The following DAB2IP variants were observed in gnomAD, a reference collection of about 807,000 sequenced individuals.
The protein encoded by DAB2IP is DAB2 interacting protein.
In DAB2IP, 28 loss-of-function variants were observed where a neutral mutation model predicts 107.2. The observed-to-expected ratio is 0.26, with a 90% confidence interval of 0.19 to 0.36. The LOEUF (loss-of-function observed/expected upper bound fraction) is 0.36. Ranked by LOEUF, DAB2IP falls within the 10% of genes least tolerant of loss-of-function variation. The pLI, the probability that DAB2IP is intolerant of heterozygous loss-of-function variation, is 1.00. For synonymous variants in DAB2IP, 755 were observed against 706.4 expected, an observed-to-expected ratio of 1.07 and a Z score of -1.09; for missense variants, 1,400 against 1,644.7, an observed-to-expected ratio of 0.85 and a Z score of 2.57.
intron 1 of DAB2IP, among the ~76,000 whole-genome samples, chr9:121,610,631 A>G (rs1018292486): frequency 1.3e-5 from 2 of 152,138 alleles, no homozygotes; most frequent in African/African-American, 4.8e-5. Flanking sequence ...ACCAGGTGTA[A>G]TTCAGCACGT....
chr9:121,587,470 TAGTGGCAC>T (rs1457381127), intron 1 of DAB2IP, among the ~76,000 whole-genome samples: 3 of 151,930 alleles, frequency 2.0e-5, no homozygotes, highest in African/African-American at 4.8e-5. Flanking sequence ...TAGCCAGGCG[TAGTGGCAC>T]ATGCCTGTAG....
Position 121,627,120 on chromosome 9 carries a change from AAC to A in DAB2IP, c.41-51539_41-51538del, listed in dbSNP as rs55977828. Reference sequence around the variant, plus strand: ...AAGCCTTTTTTCTTCACCCCTACTCAACACACACACACACACACACTCACACA... The same window carrying A: ...AAGCCTTTTTTCTTCACCCCTACTCAACACACACACACACACACTCACACA... On this transcript the variant is annotated intron_variant, in intron 1 of 16. Coordinates refer to the DAB2IP transcript ENST00000259371. 5.4e-4 allele frequency among the ~76,000 whole-genome samples: 81 copies of A among 149,184 alleles called. 1 individual carries two copies. The highest frequency in any genetic ancestry group is 6.6e-4 in the South Asian group (3 of 4,572).
intron 1 of DAB2IP, among the ~76,000 whole-genome samples, chr9:121,592,356 A>T (rs1280062537): frequency 6.7e-6 from 1 of 150,296 alleles, no homozygotes; most frequent in Non-Finnish European, 1.5e-5. Context: ...ACAGAGCAAG[A>T]CTCCATCTCA....
At chr9:121,721,500 T>C (rs939398901) in intron 3 of DAB2IP, among the ~76,000 whole-genome samples, 8 of 152,220 alleles carry the variant, frequency 5.3e-5, no homozygotes, top group African/African-American at 1.9e-4. Flanking sequence ...AGTCCACCAC[T>C]GTAGTGGCAT....
At chr9:121,762,373 G>A (rs1044570020) in intron 6 of DAB2IP, among the ~76,000 whole-genome samples, 8 of 152,136 alleles carry the variant, frequency 5.3e-5, no homozygotes, top group African/African-American at 1.2e-4. Context: ...GAGGAGCCCC[G>A]GGGGAGATGC....
rs1830815448 is a variant in DAB2IP, at chr9:121,719,685, C to G, written c.362+20227C>G. Reference sequence around the variant, plus strand: ...CCCAAGGATAAGCATCCCTTTGTGCCAGGTGCTTCATCTCTTAGTGCTTAC... The same window carrying G: ...CCCAAGGATAAGCATCCCTTTGTGCGAGGTGCTTCATCTCTTAGTGCTTAC... On this transcript the variant is annotated intron_variant, in intron 3 of 15. Coordinates refer to ENST00000408936, the Ensembl canonical transcript of DAB2IP. Among the ~76,000 whole-genome samples the G allele has an allele frequency of 2.0e-5, 3 of 152,164 alleles. No individual in the cohort carries two copies. The South Asian group carries it at 6.2e-4, about 32-fold the overall frequency.
At chr9:121,773,463 C>A in exon 12 of DAB2IP, 2 of 1,523,544 alleles carry the variant, frequency 1.3e-6, no homozygotes, top group Non-Finnish European at 1.8e-6. Context: ...GGGGGACAGC[C>A]CAGAACTGAA....
At position 121,762,255 on chromosome 9, in the gene DAB2IP, G is replaced by T. The variant is rs1833949906; in HGVS notation, c.1171-1250G>T. ...TCATTTTCCTGCTGTGTGTGCATTG[G>T]TTTCCCCCTTATTGGGTCCTGGCTC... On this transcript the variant is annotated intron_variant, in intron 6 of 15. Transcript: ENST00000408936. Among the ~76,000 whole-genome samples the T allele has an allele frequency of 2.6e-5, 4 of 152,154 alleles. No homozygotes were observed. The South Asian group carries it at 8.3e-4, about 32-fold the overall frequency.
chr9:121,779,528 G>T (rs1041165243), intron 14 of DAB2IP, among the ~76,000 whole-genome samples: 1 of 152,208 alleles, frequency 6.6e-6, no homozygotes, highest in African/African-American at 2.4e-5. Context: ...AGACAGTGAG[G>T]TTACTTGGAA....
At chr9:121,763,435 G>T in intron 6 of DAB2IP, 70 bp from the exon 7 acceptor site, 12 of 1,539,328 alleles carry the variant, frequency 7.8e-6, no homozygotes, top group Non-Finnish European at 1.0e-5. Flanking sequence ...CTCTGGCTAG[G>T]TCTGGAATCC....
chr9:121,664,974 C>T (rs995186214), intron 1 of DAB2IP, among the ~76,000 whole-genome samples: 1 of 152,170 alleles, frequency 6.6e-6, no homozygotes, highest in African/African-American at 2.4e-5. Context: ...CTAAAAATTA[C>T]ACAAAGGACT....
At chr9:121,758,982 G>C in exon 5 of DAB2IP, 2 of 1,612,508 alleles carry the variant, frequency 1.2e-6, no homozygotes, top group Non-Finnish European at 1.7e-6. Context: ...CCGGCGAGCG[G>C]TGCATCCCAA....
intron 1 of DAB2IP, among the ~76,000 whole-genome samples, chr9:121,597,834 T>G (rs1423715501): frequency 6.6e-6 from 1 of 152,220 alleles, no homozygotes; most frequent in African/African-American, 2.4e-5. Flanking sequence ...CCATCGCATA[T>G]GCTCCGAAGA....
At chr9:121,575,263 G>A (rs779632590) in intron 1 of DAB2IP, 29 of 154,016 alleles carry the variant, frequency 1.9e-4, no homozygotes, top group South Asian at 1.9e-3. Flanking sequence ...TGTGAGCCAG[G>A]CCAGTTGATT....
chr9:121,714,748 G>T (rs1159169125), intron 3 of DAB2IP, among the ~76,000 whole-genome samples: 2 of 152,222 alleles, frequency 1.3e-5, no homozygotes, highest in African/African-American at 2.4e-5. Context: ...CTGTGTAATT[G>T]CAATTAAGGC....
upstream of DAB2IP, among the ~76,000 whole-genome samples, chr9:121,650,292 C>A (rs1007618732): frequency 1.3e-5 from 2 of 152,182 alleles, no homozygotes; most frequent in African/African-American, 4.8e-5. Context: ...TGCCCCTCCC[C>A]CCTGGTCAGG....
At position 121,776,134 on chromosome 9, in the gene DAB2IP, G is replaced by A; in HGVS notation, c.3121-64G>A. 2 of 1,536,742 alleles carry A rather than the reference G, an allele frequency of 1.3e-6. No homozygotes were observed. The highest frequency in any genetic ancestry group is 1.4e-5 in the African/African-American group (1 of 72,642). On this transcript the variant is annotated intron_variant, in intron 13 of 15. Coordinates refer to ENST00000408936, the Ensembl canonical transcript of DAB2IP. This position sits in a 1 kb window ranked among gnomAD's most constrained non-coding sequence, Gnocchi z 5.4. ...TCCCTCCTACCCTTCCTCCCACTCG[G>A]GCTGACGAAGCTGTGCTCTCTGTGT... is the stretch of plus-strand genomic sequence containing the variant.
chr9:121,722,513 G>A (rs1830998915), intron 3 of DAB2IP, among the ~76,000 whole-genome samples: 1 of 152,118 alleles, frequency 6.6e-6, no homozygotes, highest in African/African-American at 2.4e-5. Flanking sequence ...CCTTCAGATT[G>A]TCCCAGAGAT....
At chr9:121,608,323 C>T (rs1414848115) in intron 1 of DAB2IP, among the ~76,000 whole-genome samples, 1 of 152,196 alleles carries the variant, frequency 6.6e-6, no homozygotes, top group Non-Finnish European at 1.5e-5. Context: ...GTCTGATCCT[C>T]AGCCCCTGAG....
Sources: gnomAD v4.1 joint callset for allele counts (sites outside exome capture counted in the v4.1 genomes callset) on GRCh38, gnomAD v4.1.1 for gene constraint, Gnocchi (gnomAD v3.1) non-coding constraint, MANE v1.5 for transcripts, NCBI Gene and HGNC (gene_info 2026-07-23, HGNC 2026-07-21) for gene names.